IMMT: variants seen among roughly 807,000 people sequenced by gnomAD.
The protein encoded by IMMT is inner membrane mitochondrial protein, also known as MICOS complex subunit MIC60.
A neutral mutation model predicts 92.7 loss-of-function variants in IMMT; 40 were observed. That is an observed-to-expected ratio of 0.43 (90% confidence interval 0.34 to 0.56). The LOEUF (loss-of-function observed/expected upper bound fraction) is 0.56, where lower values mean the gene tolerates loss of function less well. Ranked by LOEUF, IMMT falls within the 20% of genes least tolerant of loss-of-function variation. IMMT has a pLI of 0.03. For missense variants in IMMT, 831 were observed against 912.1 expected, an observed-to-expected ratio of 0.91 and a Z score of 1.14; for synonymous variants, 322 against 336.1, an observed-to-expected ratio of 0.96 and a Z score of 0.46.
At chr2:86,149,860 A>G (rs1160379250) in intron 12 of IMMT, among the ~76,000 whole-genome samples, 1 of 149,698 alleles carries the variant, frequency 6.7e-6, no homozygotes, top group Non-Finnish European at 1.5e-5. Context: ...ACCCTGGGCC[A>G]CAAAGACAGA....
Position 86,147,740 on chromosome 2 carries a change from T to C in IMMT, c.1495A>G (p.Arg499Gly), listed in dbSNP as rs1415330843. The C allele has an allele frequency of 4.3e-6, 7 of 1,613,880 alleles. No homozygotes were observed. The highest frequency in any genetic ancestry group is 2.2e-5 in the East Asian group (1 of 44,888). The change falls in exon 13 of 15, where the codon AGG becomes GGG. Residue 499 changes from arginine (R) to glycine (G), a missense_variant. Physicochemically the swap from Arg to Gly is moderately radical, Grantham distance 125. Transcript: ENST00000410111. ...GACTTCAATTCCTGTTCTTGTACCCTAAGGACATCTCGCAAGTGATCAGTG... is the reference window on the plus strand; with the variant it reads ...GACTTCAATTCCTGTTCTTGTACCCCAAGGACATCTCGCAAGTGATCAGTG... ...AHTDHLRDVL[R>G]VQEQELKSEF...
intron 2 of IMMT, 104 bp from the exon 3 acceptor site, chr2:86,179,726 T>C (rs1273717908): frequency 1.2e-6 from 1 of 833,884 alleles, no homozygotes; most frequent in African/African-American, 1.8e-5. Context: ...TCTACTTATC[T>C]ACCACTAATT....
chr2:86,151,211 C>A, intron 12 of IMMT, 86 bp downstream of exon 12: 1 of 1,183,898 alleles, frequency 8.4e-7, no homozygotes, highest in Non-Finnish European at 1.2e-6. Context: ...AACCACTGCA[C>A]CCGGCTGAGC....
At chr2:86,166,776 T>A (rs1303025972) in intron 6 of IMMT, 132 bp from the exon 7 acceptor site, 13 of 849,674 alleles carry the variant, frequency 1.5e-5, no homozygotes, top group Non-Finnish European at 2.1e-5. Flanking sequence ...TACATGAGAC[T>A]CAAATTTAGG....
At chr2:86,153,469 T>C (rs571917750) in intron 11 of IMMT, 91 bp downstream of exon 11, 14 of 649,910 alleles carry the variant, frequency 2.2e-5, no homozygotes, top group Admixed American at 1.6e-4. Context: ...TTAGATGGCT[T>C]TGTGTAAGAA....
intron 3 of IMMT, among the ~76,000 whole-genome samples, chr2:86,176,938 T>C (rs541885752): frequency 6.6e-6 from 1 of 152,222 alleles, no homozygotes; most frequent in Non-Finnish European, 1.5e-5. Flanking sequence ...CCTTGACTTA[T>C]GAAGCTGCAA....
chr2:86,188,691 G>T (rs1187806439), intron 1 of IMMT, among the ~76,000 whole-genome samples: 1 of 152,214 alleles, frequency 6.6e-6, no homozygotes, highest in Admixed American at 6.5e-5. Context: ...TTCCCAAAGT[G>T]CTGGGATGAC....
chr2:86,158,785 C>G, intron 9 of IMMT, 64 bp from the exon 10 acceptor site: 1 of 1,314,544 alleles, frequency 7.6e-7, no homozygotes, highest in Non-Finnish European at 1.1e-6. Flanking sequence ...TTCCAAGAAA[C>G]AGAAGTAGTA....
intron 13 of IMMT, among the ~76,000 whole-genome samples, chr2:86,146,998 C>T (rs927800213): frequency 2.0e-5 from 3 of 151,518 alleles, no homozygotes; most frequent in African/African-American, 4.8e-5. Flanking sequence ...TGTCCTCAAG[C>T]GATCCACCCG....
At chr2:86,191,974 G>A (rs547080881) in intron 1 of IMMT, among the ~76,000 whole-genome samples, 177 of 152,240 alleles carry the variant, frequency 1.2e-3, no homozygotes, top group Non-Finnish European at 2.1e-3. Flanking sequence ...GCTCACGCCT[G>A]TAATCCCAGC....
At chr2:86,184,920 G>A (rs918579866) in intron 1 of IMMT, among the ~76,000 whole-genome samples, 2 of 152,160 alleles carry the variant, frequency 1.3e-5, no homozygotes, top group Admixed American at 6.5e-5. Flanking sequence ...CAGGCGCGAT[G>A]GCTTACGCCT....
intron 12 of IMMT, among the ~76,000 whole-genome samples, chr2:86,149,396 T>G (rs912760718): frequency 6.6e-6 from 1 of 152,208 alleles, no homozygotes; most frequent in East Asian, 1.9e-4. Flanking sequence ...TTTTGGGTAC[T>G]GGTTAAGAAT....
intron 6 of IMMT, among the ~76,000 whole-genome samples, chr2:86,169,557 G>T (rs1676944902): frequency 1.3e-5 from 2 of 152,112 alleles, no homozygotes; most frequent in Admixed American, 1.3e-4. Flanking sequence ...CAGCTGCCAT[G>T]AGTACTGAAC....
intron 7 of IMMT, among the ~76,000 whole-genome samples, chr2:86,163,190 C>T (rs1175173004): frequency 6.6e-6 from 1 of 152,118 alleles, no homozygotes; most frequent in African/African-American, 2.4e-5. Flanking sequence ...CGTAGTGGCT[C>T]ATGCCTGTGG....
chr2:86,177,762 T>C (rs893111607), intron 3 of IMMT, among the ~76,000 whole-genome samples: 1 of 152,314 alleles, frequency 6.6e-6, no homozygotes, highest in Admixed American at 6.5e-5. Flanking sequence ...CTAACCATAA[T>C]ACGTGGTTTT....
At chr2:86,162,616 C>A (rs1453268642) in intron 7 of IMMT, among the ~76,000 whole-genome samples, 1 of 151,766 alleles carries the variant, frequency 6.6e-6, no homozygotes, top group African/African-American at 2.4e-5. Context: ...GAGGCTGAGA[C>A]CAGCGGATCA....
At chr2:86,144,971 C>G in intron 14 of IMMT, 90 bp from the exon 15 acceptor site, 1 of 1,419,394 alleles carries the variant, frequency 7.0e-7, no homozygotes, top group Non-Finnish European at 9.4e-7. Flanking sequence ...CAAGCTACAT[C>G]TACACATGTG....
At chr2:86,185,244 G>C (rs1360089573) in intron 1 of IMMT, among the ~76,000 whole-genome samples, 21 of 151,866 alleles carry the variant, frequency 1.4e-4, no homozygotes, top group Admixed American at 1.4e-3. Context: ...AGCTGAGTAT[G>C]ATAAGGACAG....
intron 13 of IMMT, 89 bp downstream of exon 13, chr2:86,147,613 C>T (rs927473963): frequency 1.1e-4 from 148 of 1,309,450 alleles, no homozygotes; most frequent in Middle Eastern, 2.5e-4. Context: ...TCCAAATCTT[C>T]GACATCCTCA....
Sources: allele counts gnomAD v4.1 joint callset (sites outside exome capture counted in the v4.1 genomes callset), GRCh38; gene constraint gnomAD v4.1.1; transcripts MANE v1.5; gene names NCBI Gene and HGNC (gene_info 2026-07-23, HGNC 2026-07-21).